C8orf34: variants seen among roughly 807,000 people sequenced by gnomAD.
C8orf34 encodes the protein chromosome 8 open reading frame 34, also known as uncharacterized protein C8orf34.
C8orf34 carries 65 observed loss-of-function variants against 68.3 expected under a neutral mutation model. That is an observed-to-expected ratio of 0.95 (90% CI 0.78 to 1.17). The LOEUF is 1.17. Among genes scored for constraint, C8orf34 ranks in the 50% most tolerant of loss-of-function variants. The pLI is 0.00. For synonymous variants in C8orf34, 244 were observed against 241.2 expected, an observed-to-expected ratio of 1.01 and a Z score of -0.11; for missense variants, 664 against 655.4, an observed-to-expected ratio of 1.01 and a Z score of -0.14.
chr8:68,421,495 G>A (rs560700828), intron 1 of C8orf34, among the ~76,000 whole-genome samples: 6 of 152,286 alleles, frequency 3.9e-5, no homozygotes, highest in Admixed American at 1.3e-4. Context: ...AACTCCTACT[G>A]TACATCCAGA....
At chr8:68,381,726 G>A (rs1401535251) in intron 1 of C8orf34, among the ~76,000 whole-genome samples, 3 of 94,618 alleles carry the variant, frequency 3.2e-5, no homozygotes, top group African/African-American at 1.3e-4. Flanking sequence ...GCGACAGAGC[G>A]AGACTCCGTC....
chr8:68,515,307 T>G (rs991462921), intron 5 of C8orf34, among the ~76,000 whole-genome samples: 3 of 151,948 alleles, frequency 2.0e-5, no homozygotes, highest in Admixed American at 2.0e-4. Flanking sequence ...CAGCCCTCCC[T>G]TTTTTCCTTC....
At chr8:68,494,929 T>A (rs1015080107) in intron 5 of C8orf34, among the ~76,000 whole-genome samples, 12 of 150,936 alleles carry the variant, frequency 8.0e-5, no homozygotes, top group East Asian at 3.9e-4. Context: ...TCTCAAAAAA[T>A]ATATATATAT....
At chr8:68,416,135 T>G (rs1230331887) in intron 1 of C8orf34, among the ~76,000 whole-genome samples, 1 of 152,196 alleles carries the variant, frequency 6.6e-6, no homozygotes, top group East Asian at 1.9e-4. Flanking sequence ...TTTATAGACT[T>G]TGGGTTCTAC....
chr8:68,475,611 C>A (rs890966431), intron 4 of C8orf34, among the ~76,000 whole-genome samples: 1 of 152,184 alleles, frequency 6.6e-6, no homozygotes, highest in Non-Finnish European at 1.5e-5. Context: ...TTGCTGGGAT[C>A]TTTGGCTTTG....
chr8:68,590,336 A>G (rs1219593923), intron 7 of C8orf34, among the ~76,000 whole-genome samples: 1 of 152,040 alleles, frequency 6.6e-6, no homozygotes, highest in Non-Finnish European at 1.5e-5. Flanking sequence ...TTCAGAAACA[A>G]TTATATTAAG....
intron 3 of C8orf34, among the ~76,000 whole-genome samples, chr8:68,459,354 C>T (rs1485364610): frequency 3.3e-5 from 5 of 152,060 alleles, no homozygotes; most frequent in Non-Finnish European, 5.9e-5. Flanking sequence ...CTCAGCCTCC[C>T]GAGTAGCTGG....
chr8:68,527,464 C>T (rs567644834), intron 6 of C8orf34, among the ~76,000 whole-genome samples: 4 of 152,050 alleles, frequency 2.6e-5, no homozygotes, highest in South Asian at 2.1e-4. Context: ...CCCAGCTACT[C>T]GGGAGGCTGA....
chr8:68,522,019 G>A (rs1304117129), intron 6 of C8orf34, 48 bp downstream of exon 6: 1 of 1,519,110 alleles, frequency 6.6e-7, no homozygotes, highest in Non-Finnish European at 8.9e-7. Flanking sequence ...TCATTAAAAG[G>A]TAAAGGGAAA....
intron 7 of C8orf34, chr8:68,535,868 G>T (rs1224525090): frequency 2.0e-6 from 2 of 981,324 alleles, no homozygotes; most frequent in African/African-American, 1.8e-5. Flanking sequence ...CTCTGAAATT[G>T]GTGCTGTAAT....
chr8:68,498,818 C>T (rs1299985757), intron 5 of C8orf34, among the ~76,000 whole-genome samples: 1 of 152,048 alleles, frequency 6.6e-6, no homozygotes, highest in African/African-American at 2.4e-5. Flanking sequence ...CAACTAGAGC[C>T]CAGAGATTGT....
At chr8:68,689,924 C>A (rs1257429798) in intron 8 of C8orf34, among the ~76,000 whole-genome samples, 1 of 152,002 alleles carries the variant, frequency 6.6e-6, no homozygotes, top group East Asian at 1.9e-4. Flanking sequence ...GAAATTTAAA[C>A]CCTGGCTTAG....
chr8:68,488,577 T>C (rs1813175714), intron 5 of C8orf34, among the ~76,000 whole-genome samples: 1 of 152,158 alleles, frequency 6.6e-6, no homozygotes, highest in African/African-American at 2.4e-5. Flanking sequence ...AACTTGCTAA[T>C]GGATTGGATG....
chr8:68,631,531 C>T (rs1818690205), intron 7 of C8orf34, among the ~76,000 whole-genome samples: 1 of 152,070 alleles, frequency 6.6e-6, no homozygotes, highest in Non-Finnish European at 1.5e-5. Flanking sequence ...TTTTAATATT[C>T]CATTCTGCTA....
intron 1 of C8orf34, among the ~76,000 whole-genome samples, chr8:68,374,663 C>A (rs1053737253): frequency 6.6e-6 from 1 of 151,972 alleles, no homozygotes; most frequent in Non-Finnish European, 1.5e-5. Flanking sequence ...TACTAACCAA[C>A]CAGAAAGTAG....
At chr8:68,662,082 C>A (rs769476110) in intron 8 of C8orf34, among the ~76,000 whole-genome samples, 1 of 152,098 alleles carries the variant, frequency 6.6e-6, no homozygotes, top group Non-Finnish European at 1.5e-5. Flanking sequence ...GAAGTTTTTA[C>A]AACATGCTGA....
chr8:68,524,554 G>A (rs1484990413), intron 6 of C8orf34, among the ~76,000 whole-genome samples: 1 of 152,162 alleles, frequency 6.6e-6, no homozygotes, highest in African/African-American at 2.4e-5. Flanking sequence ...TAAAGCATTT[G>A]AGTAAGAAAA....
intron 9 of C8orf34, among the ~76,000 whole-genome samples, chr8:68,718,415 C>A (rs530199222): frequency 1.3e-5 from 2 of 152,110 alleles, no homozygotes; most frequent in Non-Finnish European, 2.9e-5. Flanking sequence ...AATAATATAT[C>A]AAAAATGTGT....
At chr8:68,367,756 G>A (rs1264250789) in intron 1 of C8orf34, among the ~76,000 whole-genome samples, 1 of 122,828 alleles carries the variant, frequency 8.1e-6, no homozygotes, top group Non-Finnish European at 1.7e-5. Flanking sequence ...TGGTGGGGTG[G>A]GGGGAGGGGG....
Sources: gnomAD v4.1 joint callset for allele counts (sites outside exome capture counted in the v4.1 genomes callset) on GRCh38, gnomAD v4.1.1 for gene constraint, MANE v1.5 for transcripts, NCBI Gene and HGNC (gene_info 2026-07-23, HGNC 2026-07-21) for gene names.